The following SYT2 variants were observed in gnomAD, a reference collection of about 807,000 sequenced individuals.
The protein encoded by SYT2 is synaptotagmin-2.
SYT2 carries 15 observed loss-of-function variants against 39.9 expected under a neutral mutation model. The observed-to-expected ratio is 0.38, with a 90% CI of 0.25 to 0.58. SYT2 has a LOEUF of 0.58. Ranked by LOEUF, SYT2 falls within the 20% of genes least tolerant of loss-of-function variation. SYT2 has a pLI of 0.70. For missense variants in SYT2, 389 were observed against 530.3 expected, an observed-to-expected ratio of 0.73 and a Z score of 2.62; for synonymous variants, 181 against 204.5, an observed-to-expected ratio of 0.89 and a Z score of 0.98.
Position 202,699,276 on chromosome 1 carries a change from C to T in SYT2, c.-18+10982G>A, listed in dbSNP as rs570020785. Among the ~76,000 whole-genome samples, 5 of 152,248 alleles carry T rather than the reference C, an allele frequency of 3.3e-5. No homozygotes were observed. In the East Asian group the frequency reaches 9.6e-4, roughly 29 times the overall value. ...GGCTCAAGTGATCCTCCTGCATTGGCCTCTCAGAGTGCTGGGATTACAGGT... is the reference window on the plus strand; with the variant it reads ...GGCTCAAGTGATCCTCCTGCATTGGTCTCTCAGAGTGCTGGGATTACAGGT... On this transcript the variant is annotated intron_variant, in intron 1 of 8. Coordinates refer to ENST00000367268, the MANE Select transcript of SYT2 (RefSeq NM_177402.5).
At chr1:202,691,686 GGA>G (rs1653821442) in intron 1 of SYT2, among the ~76,000 whole-genome samples, 2 of 8,674 alleles carry the variant, frequency 2.3e-4, no homozygotes, top group African/African-American at 1.1e-3. Flanking sequence ...GGAGCGAGGG[GGA>G]GAGGGAGAGG....
chr1:202,618,042 A>G (rs1691094484), intron 1 of SYT2, among the ~76,000 whole-genome samples: 1 of 152,124 alleles, frequency 6.6e-6, no homozygotes, highest in Non-Finnish European at 1.5e-5. Flanking sequence ...AGCTGGGATT[A>G]CAGGTGCCCA....
intron 1 of SYT2, among the ~76,000 whole-genome samples, chr1:202,615,098 T>G (rs1690998058): frequency 6.6e-6 from 1 of 152,160 alleles, no homozygotes; most frequent in Non-Finnish European, 1.5e-5. Context: ...CGAGCTCTTA[T>G]GAAAGACAGA....
At chr1:202,645,696 G>C (rs1477959746) in intron 1 of SYT2, among the ~76,000 whole-genome samples, 1 of 152,222 alleles carries the variant, frequency 6.6e-6, no homozygotes, top group East Asian at 1.9e-4. Flanking sequence ...AAAATACTGT[G>C]TTTAATGTCT....
At chr1:202,622,339 G>A (rs751360664) in intron 1 of SYT2, among the ~76,000 whole-genome samples, 1 of 152,206 alleles carries the variant, frequency 6.6e-6, no homozygotes, top group Non-Finnish European at 1.5e-5. Context: ...CTTGTGTACC[G>A]AGGCCTGATG....
At chr1:202,648,711 G>A (rs945368882) in intron 1 of SYT2, among the ~76,000 whole-genome samples, 6 of 152,292 alleles carry the variant, frequency 3.9e-5, no homozygotes, top group African/African-American at 1.2e-4. Context: ...TTCCCTGGGG[G>A]ATAAACTTGA....
chr1:202,607,040 C>T (rs543004677), intron 1 of SYT2, among the ~76,000 whole-genome samples: 1 of 152,222 alleles, frequency 6.6e-6, no homozygotes, highest in East Asian at 1.9e-4. Context: ...CAGTTTTCAA[C>T]TTTTTCCTAG....
At chr1:202,654,658 C>A (rs886199132) in intron 1 of SYT2, among the ~76,000 whole-genome samples, 6 of 152,198 alleles carry the variant, frequency 3.9e-5, no homozygotes, top group Non-Finnish European at 8.8e-5. Flanking sequence ...CCAACACACA[C>A]ACACATCAGA....
intron 1 of SYT2, among the ~76,000 whole-genome samples, chr1:202,682,256 G>C (rs1017098806): frequency 5.3e-5 from 8 of 152,242 alleles, no homozygotes; most frequent in Non-Finnish European, 8.8e-5. Context: ...AGGGTTGGCA[G>C]AGCATGATGG....
chr1:202,636,757 C>T (rs1170979555), intron 1 of SYT2, among the ~76,000 whole-genome samples: 14 of 152,198 alleles, frequency 9.2e-5, no homozygotes, highest in African/African-American at 3.4e-4. Flanking sequence ...TTGTGTCAGG[C>T]ACTGCCTATT....
intron 1 of SYT2, among the ~76,000 whole-genome samples, chr1:202,696,720 C>T (rs935503735): frequency 2.6e-5 from 4 of 152,296 alleles, no homozygotes; most frequent in African/African-American, 9.6e-5. Context: ...AGCTGCAAGG[C>T]CAGGGGTCCC....
chr1:202,604,406 A>G (rs748164510), intron 3 of SYT2, 49 bp downstream of exon 3: 4 of 1,586,838 alleles, frequency 2.5e-6, no homozygotes, highest in Admixed American at 1.7e-5. Context: ...GCATCAGGAA[A>G]GCCTGGGCTG....
chr1:202,646,400 T>C (rs1301007275), intron 1 of SYT2, among the ~76,000 whole-genome samples: 1 of 152,218 alleles, frequency 6.6e-6, no homozygotes, highest in African/African-American at 2.4e-5. Flanking sequence ...TGCCCTGTGC[T>C]TCTCCTCTGC....
At chr1:202,629,305 T>C (rs748285547) in intron 1 of SYT2, among the ~76,000 whole-genome samples, 1 of 152,206 alleles carries the variant, frequency 6.6e-6, no homozygotes, top group Middle Eastern at 3.2e-3. Flanking sequence ...GCTTCTTTCC[T>C]GCCCCTGTGT....
Position 202,681,582 on chromosome 1 carries a change from G to C in SYT2, c.-18+28676C>G, listed in dbSNP as rs190854852. Among the ~76,000 whole-genome samples, 74 of 152,350 alleles carry C rather than the reference G, an allele frequency of 4.9e-4. 1 individual carries two copies. Among genetic ancestry groups the C allele is most frequent in the African/African-American group, 1.6e-3 (67 of 41,584 alleles). ...TATGATCTTGAGCCCTGAGGGCAAA[G>C]GCATGAGCTTGGCCCAGATTCAAAA... On this transcript the variant is annotated intron_variant, in intron 1 of 8. Coordinates refer to ENST00000367268, the MANE Select transcript of SYT2 (RefSeq NM_177402.5).
intron 1 of SYT2, among the ~76,000 whole-genome samples, chr1:202,674,211 C>T (rs1241193677): frequency 6.6e-6 from 1 of 152,092 alleles, no homozygotes; most frequent in East Asian, 1.9e-4. Flanking sequence ...AAGCAATTCT[C>T]GTGCCTCAGC....
At chr1:202,666,037 C>T (rs1170918437) in intron 1 of SYT2, among the ~76,000 whole-genome samples, 23 of 151,858 alleles carry the variant, frequency 1.5e-4, no homozygotes, top group Non-Finnish European at 1.0e-4. Flanking sequence ...CCTGTAGTCC[C>T]AGCTACTCGG....
At chr1:202,675,166 TCTA>T (rs1208453362) in intron 1 of SYT2, among the ~76,000 whole-genome samples, 1 of 152,088 alleles carries the variant, frequency 6.6e-6, no homozygotes, top group Admixed American at 6.6e-5. Context: ...CACTAGGATG[TCTA>T]CTAAGGAAAA....
intron 1 of SYT2, among the ~76,000 whole-genome samples, chr1:202,700,049 G>A (rs1264737270): frequency 6.6e-6 from 1 of 152,122 alleles, no homozygotes; most frequent in African/African-American, 2.4e-5. Flanking sequence ...ATAAACGCAG[G>A]GTTGCTCTGG....
Sources: allele counts gnomAD v4.1 joint callset (sites outside exome capture counted in the v4.1 genomes callset), GRCh38; gene constraint gnomAD v4.1.1; transcripts MANE v1.5; gene names NCBI Gene and HGNC (gene_info 2026-07-23, HGNC 2026-07-21).